The following DRG1 variants were observed in gnomAD, a reference collection of about 807,000 sequenced individuals.
DRG1 encodes the protein developmentally regulated GTP binding protein 1.
DRG1 carries 19 observed loss-of-function variants against 38.8 expected under a neutral mutation model. The ratio of observed to expected loss-of-function variants is 0.49; its 90% CI spans 0.34 to 0.72. The LOEUF (loss-of-function observed/expected upper bound fraction) is 0.72. Among genes scored for constraint, DRG1 ranks in the 30% least tolerant of loss-of-function variants. The probability of loss-of-function intolerance (pLI) is 0.01; values close to 1 mark genes in which losing one functional copy is unlikely to be tolerated. For synonymous variants in DRG1, 167 were observed against 157.5 expected (o/e 1.06, Z -0.45); for missense variants, 299 against 444.8 (o/e 0.67, Z 2.95).
chr22:31,420,167 G>T, intron 4 of DRG1, 89 bp from the exon 5 acceptor site: 2 of 1,446,110 alleles, frequency 1.4e-6, no homozygotes, highest in Non-Finnish European at 1.9e-6. Flanking sequence ...ACACTTAAAT[G>T]TAGGGGGAAA....
intron 3 of DRG1, among the ~76,000 whole-genome samples, chr22:31,408,752 CAAAAAAAAAA>C (rs66474618): frequency 2.7e-5 from 3 of 111,480 alleles, no homozygotes; most frequent in Admixed American, 1.0e-4. Context: ...GACTCATTCT[CAAAAAAAAAA>C]AAAAAAAAAA....
At chr22:31,407,556 G>A (rs866446623) in intron 3 of DRG1, among the ~76,000 whole-genome samples, 46 of 152,100 alleles carry the variant, frequency 3.0e-4, no homozygotes, top group South Asian at 4.2e-4. Flanking sequence ...GGCTGGTCTT[G>A]AACTCCTGCA....
At position 31,427,926 on chromosome 22, in the gene DRG1, G is replaced by A. The variant is rs1159138095; in HGVS notation, c.1004+744G>A. Among the ~76,000 whole-genome samples the A allele has an allele frequency of 2.0e-5, 3 of 151,990 alleles. No homozygotes were observed. The South Asian group carries it at 6.2e-4, about 32-fold the overall frequency. On this transcript the variant is annotated intron_variant, in intron 8 of 8. Coordinates refer to ENST00000331457, the MANE Select transcript of DRG1 (RefSeq NM_004147.4). ...CTAATTTTGTATTTTTAGTAGAAAC[G>A]GGGTTCCTCCATGTTGGTTAGGCTG...
rs376761735 is a variant in DRG1 at position 31,426,650 on chromosome 22, T to C, written c.749T>C (p.Ile250Thr). 5.6e-6 allele frequency: 9 copies of C among 1,613,818 alleles called. No homozygotes were observed. The African/African-American group carries it at 1.1e-4, about 19-fold the overall frequency. The change falls in exon 7 of 9, where the codon ATT becomes ACT. Residue 250 changes from isoleucine to threonine, a missense_variant. Physicochemically the swap from Ile to Thr is moderately conservative, Grantham distance 89. Coordinates refer to ENST00000331457, the MANE Select transcript of DRG1 (RefSeq NM_004147.4). Reference protein sequence around the residue: ...YIPCIYVLNKIDQISIEELDI... With the variant: ...YIPCIYVLNKTDQISIEELDI... ...CCCTGTATCTATGTGTTAAATAAGA[T>C]TGACCAAATCTCCATTGAGGAATTG...
In DRG1 at chr22:31,400,649, A is replaced by G. The variant is rs1249812773; in HGVS notation, c.72A>G (p.Thr24=). ...EMARTQKNKA[T]AHHLGLLKAR... The stretch of plus-strand genomic sequence containing the variant: ...CTCGGACTCAAAAGAACAAGGCCAC[A>G]GCACACCACTTAGGGCTGCTTAAGG... Residue 24 remains threonine, a synonymous_variant, in exon 2 of 9, where the codon ACA becomes ACG. Coordinates refer to ENST00000331457, the MANE Select transcript of DRG1 (RefSeq NM_004147.4). The G allele has an allele frequency of 6.8e-6, 11 of 1,613,246 alleles. No individual in the cohort carries two copies. The highest frequency in any genetic ancestry group is 9.3e-6 in the Non-Finnish European group (11 of 1,179,530).
chr22:31,424,533 C>CT (rs2050097308), intron 6 of DRG1, among the ~76,000 whole-genome samples: 2 of 113,776 alleles, frequency 1.8e-5, no homozygotes, highest in African/African-American at 6.8e-5. Flanking sequence ...GAGTCTCACT[C>CT]TGTCACCTGG....
chr22:31,408,991 ACAT>A (rs1272036448), intron 3 of DRG1, among the ~76,000 whole-genome samples: 2 of 152,134 alleles, frequency 1.3e-5, no homozygotes, highest in East Asian at 3.8e-4. Flanking sequence ...TTTTTCAATC[ACAT>A]CATTAGGTAC....
intron 3 of DRG1, among the ~76,000 whole-genome samples, chr22:31,405,313 G>A (rs1000703195): frequency 4.6e-5 from 7 of 151,642 alleles, no homozygotes; most frequent in African/African-American, 9.7e-5. Context: ...GACTACATGC[G>A]CATGCCACCA....
intron 1 of DRG1, among the ~76,000 whole-genome samples, chr22:31,400,331 A>T (rs1208047104): frequency 1.3e-5 from 2 of 152,014 alleles, no homozygotes; most frequent in African/African-American, 4.8e-5. Context: ...TCCCAGTGTT[A>T]GATGGATCCA....
At chr22:31,413,380 T>C (rs695413) in intron 4 of DRG1, among the ~76,000 whole-genome samples, 140,216 of 152,146 alleles carry the variant, frequency 0.92, 64,679 homozygotes, top group East Asian at 0.99. Flanking sequence ...AGGTGTGAGC[T>C]GCTGCACTTG....
chr22:31,419,405 G>T (rs1428520859), intron 4 of DRG1, among the ~76,000 whole-genome samples: 1 of 150,780 alleles, frequency 6.6e-6, no homozygotes, highest in Non-Finnish European at 1.5e-5. Flanking sequence ...GCACAGGCTG[G>T]TCTCAAACTC....
chr22:31,429,632 CCT>C (rs765167909), intron 8 of DRG1, among the ~76,000 whole-genome samples: 2 of 151,758 alleles, frequency 1.3e-5, no homozygotes, highest in South Asian at 2.1e-4. Context: ...CATGTTGGCC[CCT>C]GTGTTCTTTT....
intron 3 of DRG1, among the ~76,000 whole-genome samples, chr22:31,404,644 C>T (rs2049980151): frequency 6.6e-6 from 1 of 151,202 alleles, no homozygotes. Flanking sequence ...TGTTTTGAGA[C>T]AGCATCTTGC....
chr22:31,426,272 G>A (rs2050109814), intron 6 of DRG1, among the ~76,000 whole-genome samples: 2 of 152,038 alleles, frequency 1.3e-5, no homozygotes, highest in Non-Finnish European at 2.9e-5. Flanking sequence ...CGTGTCTGTG[G>A]GTTTTTGATC....
intron 6 of DRG1, among the ~76,000 whole-genome samples, chr22:31,424,022 G>A (rs909670198): frequency 6.6e-6 from 1 of 151,092 alleles, no homozygotes; most frequent in Non-Finnish European, 1.5e-5. Context: ...GTGCCGCCAC[G>A]CCTGGCTAAT....
chr22:31,432,569 G>A (rs1231559783), intron 8 of DRG1, among the ~76,000 whole-genome samples: 1 of 152,104 alleles, frequency 6.6e-6, no homozygotes, highest in Non-Finnish European at 1.5e-5. Context: ...GGGACTATAG[G>A]TGCGCGCTAC....
intron 3 of DRG1, among the ~76,000 whole-genome samples, chr22:31,404,716 G>T (rs1287586843): frequency 1.3e-5 from 2 of 151,870 alleles, no homozygotes; most frequent in African/African-American, 4.8e-5. Context: ...CCGCCTCCAG[G>T]GTTCAAGCAA....
Position 31,431,030 on chromosome 22 carries a change from C to T in DRG1, c.1005-2842C>T, listed in dbSNP as rs1198432298. Among the ~76,000 whole-genome samples, 3 of 114,888 alleles carry T rather than the reference C, an allele frequency of 2.6e-5. No individual in the cohort carries two copies. In the Admixed American group the frequency reaches 2.8e-4, roughly 11 times the overall value. 75.4% of individuals were successfully genotyped at this position (114,888 alleles called of 152,430 possible). The stretch of plus-strand genomic sequence containing the variant: ...ACTGCACCCGGCCTTCCCCCCCCCC[C>T]CCCGCTTTTTTTTTTTTTTTTTTGA... On this transcript the variant is annotated intron_variant, in intron 8 of 8. Transcript: ENST00000331457.
intron 4 of DRG1, among the ~76,000 whole-genome samples, chr22:31,415,769 A>G (rs1342856597): frequency 6.6e-6 from 1 of 151,932 alleles, no homozygotes; most frequent in African/African-American, 2.4e-5. Context: ...TAGGTCCTTT[A>G]TTTACCTAGA....
Sources: gnomAD v4.1 joint callset for allele counts (sites outside exome capture counted in the v4.1 genomes callset) on GRCh38, gnomAD v4.1.1 for gene constraint, MANE v1.5 for transcripts, NCBI Gene and HGNC (gene_info 2026-07-23, HGNC 2026-07-21) for gene names.